ACOT12: variants seen among roughly 807,000 people sequenced by gnomAD.
ACOT12 encodes acyl-CoA thioesterase 12.
Under a neutral mutation model 67.7 loss-of-function variants are expected in ACOT12, and 51 were observed. That is an observed-to-expected ratio of 0.75 (90% CI 0.60 to 0.95). The LOEUF (loss-of-function observed/expected upper bound fraction) is 0.95, where lower values mean the gene tolerates loss of function less well. Among genes scored for constraint, ACOT12 ranks in the 40% least tolerant of loss-of-function variants. ACOT12 has a pLI of 0.00. For synonymous variants in ACOT12, 251 were observed against 244.6 expected (o/e 1.03, Z -0.24); for missense variants, 734 against 708.1 (o/e 1.04, Z -0.41).
At chr5:81,393,920 A>C in intron 1 of ACOT12, 68 bp downstream of exon 1, 7 of 1,220,144 alleles carry the variant, frequency 5.7e-6, no homozygotes, top group Non-Finnish European at 7.2e-6. Flanking sequence ...TACCCCCCCC[A>C]GCCCCCAGCC....
chr5:81,371,923 T>C (rs1271934943), intron 2 of ACOT12, 113 bp from the exon 3 acceptor site: 1 of 880,684 alleles, frequency 1.1e-6, no homozygotes, highest in African/African-American at 1.7e-5. Flanking sequence ...ATCATGCTGA[T>C]AATTTTCATG....
chr5:81,387,458 G>T (rs1318254841), intron 1 of ACOT12, among the ~76,000 whole-genome samples: 1 of 151,770 alleles, frequency 6.6e-6, no homozygotes, highest in Non-Finnish European at 1.5e-5. Flanking sequence ...TGACATGAGG[G>T]AATGGGATGT....
At chr5:81,312,647 AGTT>A in the ACOT12 span, 23 of 1,612,698 alleles carry the variant, frequency 1.4e-5, no homozygotes, top group Non-Finnish European at 2.0e-5. Flanking sequence ...AAATACCTAA[AGTT>A]GTTAATTTTT....
At chr5:81,388,483 G>C (rs17230425) in intron 1 of ACOT12, among the ~76,000 whole-genome samples, 1 of 152,090 alleles carries the variant, frequency 6.6e-6, no homozygotes, top group African/African-American at 2.4e-5. Context: ...TGATTTCCTG[G>C]GAGAACAAAG....
At chr5:81,353,757 T>A (rs1214288174) in intron 5 of ACOT12, among the ~76,000 whole-genome samples, 1 of 152,220 alleles carries the variant, frequency 6.6e-6, no homozygotes, top group Non-Finnish European at 1.5e-5. Context: ...AAGGATATGA[T>A]CTGGATTCAA....
Position 81,345,052 on chromosome 5 carries a change from T to C in ACOT12, c.774-11A>G, listed in dbSNP as rs578003380. 8 of 1,613,700 alleles carry C rather than the reference T, an allele frequency of 5.0e-6. No homozygotes were observed. In the South Asian group the frequency reaches 6.6e-5, roughly 13 times the overall value. Reference sequence around the variant, plus strand: ...ACTCCAACTTCAACACTGTGAAGGGTGATGCAGGGCGGTGGGCAAAGAGGA... The same window carrying C: ...ACTCCAACTTCAACACTGTGAAGGGCGATGCAGGGCGGTGGGCAAAGAGGA... On this transcript the variant is annotated splice_polypyrimidine_tract_variant and intron_variant, in intron 7 of 14. Transcript: ENST00000307624.
intron 5 of ACOT12, among the ~76,000 whole-genome samples, chr5:81,353,062 A>T (rs530995505): frequency 1.3e-5 from 2 of 152,242 alleles, no homozygotes; most frequent in Non-Finnish European, 2.9e-5. Context: ...TATGAGAGAC[A>T]TTGTAAAGAC....
chr5:81,325,866 A>T (rs1487450642), downstream of ACOT12, among the ~76,000 whole-genome samples: 2 of 152,146 alleles, frequency 1.3e-5, no homozygotes, highest in African/African-American at 4.8e-5. Flanking sequence ...GCTGGAGTGT[A>T]GTGGCATGAT....
At chr5:81,334,463 C>T (rs1758933196) in intron 12 of ACOT12, among the ~76,000 whole-genome samples, 1 of 152,190 alleles carries the variant, frequency 6.6e-6, no homozygotes, top group Non-Finnish European at 1.5e-5. Flanking sequence ...GGGGTTTGAG[C>T]AGCACGGAAG....
At position 81,336,033 on chromosome 5, in the gene ACOT12, C is replaced by T. The variant is rs1758990404; in HGVS notation, c.1129-132G>A. On this transcript the variant is annotated intron_variant, in intron 11 of 14. Coordinates refer to ENST00000307624, the MANE Select transcript of ACOT12 (RefSeq NM_130767.3). ...TCTTATTTCCTGGATGAAATTGAAG[C>T]CCCATGGCAATTTCTCTTCAAATAC... The T allele has an allele frequency of 7.2e-6, 7 of 978,160 alleles. No homozygotes were observed. In the South Asian group the frequency reaches 1.4e-4, roughly 20 times the overall value. The allele number at this position is 978,160 out of a possible 1,614,324, so 60.6% of individuals were successfully genotyped here. A position where few individuals can be genotyped will look rare whatever the true frequency, so the allele number is the denominator to read the frequency against.
At chr5:81,356,367 C>A (rs541249713) in intron 5 of ACOT12, among the ~76,000 whole-genome samples, 24 of 152,300 alleles carry the variant, frequency 1.6e-4, no homozygotes, top group Admixed American at 4.6e-4. Flanking sequence ...GCTCTCCCTG[C>A]ACCCCTCTGA....
At chr5:81,343,594 G>A (rs1759273848) in intron 10 of ACOT12, among the ~76,000 whole-genome samples, 1 of 152,234 alleles carries the variant, frequency 6.6e-6, no homozygotes, top group South Asian at 2.1e-4. Flanking sequence ...AGAGCATCCT[G>A]AGTCTGCAGT....
chr5:81,358,027 A>G (rs1759776711), intron 5 of ACOT12, among the ~76,000 whole-genome samples: 1 of 151,292 alleles, frequency 6.6e-6, no homozygotes, highest in Non-Finnish European at 1.5e-5. Flanking sequence ...AAAAAAAAAA[A>G]AAAGAAGAAG....
At chr5:81,322,381 C>T in the ACOT12 span, among the ~76,000 whole-genome samples, 10 of 150,862 alleles carry the variant, frequency 6.6e-5, no homozygotes, top group East Asian at 1.9e-4. Context: ...AATATTATTC[C>T]GGAAGGCGGA....
chr5:81,322,625 C>G, the ACOT12 span, among the ~76,000 whole-genome samples: 7 of 152,096 alleles, frequency 4.6e-5, no homozygotes, highest in Non-Finnish European at 7.4e-5. Flanking sequence ...GGGAGTAAGC[C>G]TTGGTGTATT....
At chr5:81,329,614 C>A (rs545574023), downstream of ACOT12, among the ~76,000 whole-genome samples, 2 of 152,276 alleles carry the variant, frequency 1.3e-5, no homozygotes, top group South Asian at 4.1e-4. Context: ...TGAGAGGAGG[C>A]TAGCTTGCCA....
At chr5:81,384,736 T>C (rs1165818445) in intron 2 of ACOT12, among the ~76,000 whole-genome samples, 1 of 152,186 alleles carries the variant, frequency 6.6e-6, no homozygotes, top group Non-Finnish European at 1.5e-5. Flanking sequence ...CATGACTGTA[T>C]AGACTGAAAC....
intron 1 of ACOT12, 71 bp downstream of exon 1, chr5:81,393,917 C>CA (rs951158915): frequency 7.8e-7 from 1 of 1,274,874 alleles, no homozygotes; most frequent in Non-Finnish European, 9.9e-7. Flanking sequence ...TCCTACCCCC[C>CA]CCAGCCCCCA....
At chr5:81,323,161 T>C in the ACOT12 span, among the ~76,000 whole-genome samples, 1 of 150,340 alleles carries the variant, frequency 6.7e-6, no homozygotes, top group East Asian at 1.9e-4. Context: ...AAAGATCATA[T>C]AGTTAACAAG....
Sources: gnomAD v4.1 joint callset for allele counts (sites outside exome capture counted in the v4.1 genomes callset) on GRCh38, gnomAD v4.1.1 for gene constraint, MANE v1.5 for transcripts, NCBI Gene and HGNC (gene_info 2026-07-23, HGNC 2026-07-21) for gene names.